The following SVOPL variants were observed in gnomAD, a reference collection of about 807,000 sequenced individuals.
The protein encoded by SVOPL is putative transporter SVOPL.
Under a neutral mutation model 61.0 loss-of-function variants are expected in SVOPL, and 60 were observed. The observed-to-expected ratio is 0.98, with a 90% CI of 0.80 to 1.22. The LOEUF (loss-of-function observed/expected upper bound fraction) is 1.22, where lower values mean the gene tolerates loss of function less well. SVOPL is among the 50% of genes most tolerant of loss of function. The pLI is 0.00. For synonymous variants in SVOPL, 279 were observed against 250.0 expected (o/e 1.12, Z -1.09); for missense variants, 662 against 643.9 (o/e 1.03, Z -0.30).
At chr7:138,655,580 C>G (rs1204742276) in intron 7 of SVOPL, among the ~76,000 whole-genome samples, 1 of 151,466 alleles carries the variant, frequency 6.6e-6, no homozygotes, top group Non-Finnish European at 1.5e-5. Context: ...CGCACACACA[C>G]ACACACCCCT....
chr7:138,608,687 C>T (rs1228637393), intron 14 of SVOPL, among the ~76,000 whole-genome samples: 2 of 151,140 alleles, frequency 1.3e-5, no homozygotes, highest in African/African-American at 4.9e-5. Context: ...CAAAAGTGTA[C>T]ACTCCCCCCC....
intron 1 of SVOPL, among the ~76,000 whole-genome samples, chr7:138,696,232 T>C (rs1803062439): frequency 6.6e-6 from 1 of 151,824 alleles, no homozygotes; most frequent in Non-Finnish European, 1.5e-5. Flanking sequence ...TTTTTTTCTT[T>C]TTTCTTTTTT....
At chr7:138,642,252 CAA>C (rs1302786248) in intron 9 of SVOPL, among the ~76,000 whole-genome samples, 1 of 54,966 alleles carries the variant, frequency 1.8e-5, no homozygotes, top group East Asian at 5.5e-4. Context: ...CAAGCTAGAA[CAA>C]AAAAAGTCAA....
chr7:138,698,875 G>A (rs1026519611), intron 1 of SVOPL, among the ~76,000 whole-genome samples: 1 of 152,196 alleles, frequency 6.6e-6, no homozygotes, highest in African/African-American at 2.4e-5. Flanking sequence ...TACAGGCTGG[G>A]GGCGGTGGCT....
At chr7:138,644,606 C>T in intron 9 of SVOPL, 111 bp downstream of exon 9, 1 of 1,416,964 alleles carries the variant, frequency 7.1e-7, no homozygotes. Context: ...CGCCCTGCCT[C>T]TCAGACAGGA....
intron 1 of SVOPL, among the ~76,000 whole-genome samples, 176 bp downstream of exon 1, chr7:138,701,002 T>A (rs10225514): frequency 1.3e-5 from 2 of 151,954 alleles, no homozygotes; most frequent in Non-Finnish European, 2.9e-5. Context: ...CCACAGTAGA[T>A]CTTTTTTAAA....
chr7:138,615,017 G>A (rs1240289020), intron 14 of SVOPL, among the ~76,000 whole-genome samples: 1 of 152,148 alleles, frequency 6.6e-6, no homozygotes, highest in Non-Finnish European at 1.5e-5. Flanking sequence ...GGCCTGTGCT[G>A]CAAGCCTAGG....
At chr7:138,595,400 C>T (rs867659638) in intron 15 of SVOPL, among the ~76,000 whole-genome samples, 1 of 152,086 alleles carries the variant, frequency 6.6e-6, no homozygotes, top group South Asian at 2.1e-4. Flanking sequence ...ATGTATTGAA[C>T]CTACTTGTTT....
Position 138,642,252 on chromosome 7 carries a change from C to CA in SVOPL, c.789+2464dup, listed in dbSNP as rs1302786248. ...AAGTATTGAACTCAACAAGCTAGAA[C>CA]AAAAAAAGTCAAAGAAAATAAAACG... On this transcript the variant is annotated intron_variant, in intron 9 of 15. Transcript: ENST00000674285. Among the ~76,000 whole-genome samples, 4 of 54,966 alleles carry CA rather than the reference C, an allele frequency of 7.3e-5. No individual in the cohort carries two copies. In the Admixed American group the frequency reaches 7.5e-4, roughly 10 times the overall value. The allele number at this position is 54,966 out of a possible 152,430, so 36.1% of individuals were successfully genotyped here. A position where few individuals can be genotyped will look rare whatever the true frequency, so the allele number is the denominator to read the frequency against.
intron 8 of SVOPL, chr7:138,646,369 A>G (rs1027940381): frequency 1.1e-5 from 2 of 188,958 alleles, no homozygotes; most frequent in Non-Finnish European, 2.3e-5. Context: ...TTACAGATTC[A>G]TAGGTATGTG....
intron 14 of SVOPL, chr7:138,597,088 C>A: frequency 8.4e-7 from 1 of 1,186,206 alleles, no homozygotes; most frequent in Admixed American, 3.4e-5. Context: ...GGGTTTCTGT[C>A]CATCTGTACA....
At chr7:138,675,568 T>C (rs1802538734) in intron 3 of SVOPL, among the ~76,000 whole-genome samples, 1 of 151,976 alleles carries the variant, frequency 6.6e-6, no homozygotes, top group Admixed American at 6.6e-5. Flanking sequence ...GTTGATAAGA[T>C]TGGTCTCCAA....
intron 9 of SVOPL, among the ~76,000 whole-genome samples, chr7:138,633,100 G>C (rs1306299411): frequency 1.3e-5 from 2 of 152,170 alleles, no homozygotes; most frequent in Non-Finnish European, 1.5e-5. Flanking sequence ...CAGTATCTCA[G>C]TAGGAAGGAA....
At chr7:138,614,730 GGGACGAGGCT>G (rs1342262120) in intron 14 of SVOPL, among the ~76,000 whole-genome samples, 1 of 152,148 alleles carries the variant, frequency 6.6e-6, no homozygotes, top group Non-Finnish European at 1.5e-5. Flanking sequence ...TAAGGTTGAA[GGGACGAGGCT>G]GGAGATTTGG....
At chr7:138,603,590 T>C (rs1798619124) in intron 14 of SVOPL, among the ~76,000 whole-genome samples, 1 of 152,152 alleles carries the variant, frequency 6.6e-6, no homozygotes, top group Non-Finnish European at 1.5e-5. Flanking sequence ...AAGAATTGCT[T>C]GAACCCGGCA....
intron 4 of SVOPL, among the ~76,000 whole-genome samples, chr7:138,670,169 C>T (rs1802380489): frequency 6.6e-6 from 1 of 152,220 alleles, no homozygotes; most frequent in Non-Finnish European, 1.5e-5. Context: ...TGCCCTTGGT[C>T]ATTCCTGGGC....
intron 1 of SVOPL, among the ~76,000 whole-genome samples, chr7:138,692,598 T>G (rs1194254233): frequency 6.6e-6 from 1 of 152,166 alleles, no homozygotes; most frequent in Non-Finnish European, 1.5e-5. Context: ...TTCCATGATA[T>G]GAAGAAAATT....
At chr7:138,643,792 T>G (rs1297695301) in intron 9 of SVOPL, among the ~76,000 whole-genome samples, 1 of 152,148 alleles carries the variant, frequency 6.6e-6, no homozygotes, top group Non-Finnish European at 1.5e-5. Context: ...GTATAGAATT[T>G]CAGCTTTGTT....
chr7:138,642,831 CAAA>C lies in SVOPL; in HGVS notation c.789+1883_789+1885del, dbSNP rs749603417. Among the ~76,000 whole-genome samples, 12 of 26,926 alleles carry C rather than the reference CAAA, an allele frequency of 4.5e-4. No individual in the cohort carries two copies. The South Asian group carries it at 0.023, about 53-fold the overall frequency. 17.7% of individuals were successfully genotyped at this position (26,926 alleles called of 152,430 possible). A position where few individuals can be genotyped will look rare whatever the true frequency, so the allele number is the denominator to read the frequency against. On this transcript the variant is annotated intron_variant, in intron 9 of 15. Coordinates refer to ENST00000674285, the MANE Select transcript of SVOPL (RefSeq NM_001139456.2). ...GACGATAGAGCGAGACTCCTACCTCCAAAAAAAAAAAAAAAAAAAGAAGAAACA... is the reference window on the plus strand; with the variant it reads ...GACGATAGAGCGAGACTCCTACCTCCAAAAAAAAAAAAAAAAGAAGAAACA...
Sources: gnomAD v4.1 joint callset for allele counts (sites outside exome capture counted in the v4.1 genomes callset) on GRCh38, gnomAD v4.1.1 for gene constraint, MANE v1.5 for transcripts, NCBI Gene and HGNC (gene_info 2026-07-23, HGNC 2026-07-21) for gene names.